Variants in TRIM58 observed in about 807,000 individuals in gnomAD.
TRIM58 encodes E3 ubiquitin-protein ligase TRIM58.
In TRIM58, 38 loss-of-function variants were observed where a neutral mutation model predicts 34.1. That is an observed-to-expected ratio of 1.12 (90% CI 0.86 to 1.46). The LOEUF (loss-of-function observed/expected upper bound fraction) is 1.46, where lower values mean the gene tolerates loss of function less well. TRIM58 is among the 40% of genes most tolerant of loss of function. The pLI is 0.00. For missense variants in TRIM58, 677 were observed against 642.0 expected (o/e 1.05, Z -0.59); for synonymous variants, 273 against 275.7 (o/e 0.99, Z 0.10).
Position 247,878,759 on chromosome 1 carries a change from A to G in TRIM58, c.*2270A>G, listed in dbSNP as rs1481123102. 1.3e-5 allele frequency among the ~76,000 whole-genome samples: 2 copies of G among 152,218 alleles called. No homozygotes were observed. The highest frequency in any genetic ancestry group is 4.8e-5 in the African/African-American group (2 of 41,446). ...ATGGAATGAGTGTCCCAGTCCCAGG[A>G]GTATCCATTTCCCACTGTGTAGCCC... On this transcript the variant is annotated 3_prime_UTR_variant, in exon 6 of 6. Coordinates refer to ENST00000366481, the MANE Select transcript of TRIM58 (RefSeq NM_015431.4).
At chr1:247,869,003 G>A (rs151159036) in intron 5 of TRIM58, among the ~76,000 whole-genome samples, 6,438 of 152,146 alleles carry the variant, frequency 0.042, 325 homozygotes, top group East Asian at 0.21. Flanking sequence ...ATGTTCGAGC[G>A]ATTCTCCTGC....
chr1:247,869,886 A>G (rs1407512015), intron 5 of TRIM58, among the ~76,000 whole-genome samples: 2 of 152,238 alleles, frequency 1.3e-5, no homozygotes, highest in African/African-American at 4.8e-5. Context: ...GCAGTGGGAT[A>G]CAGATGCTTA....
At chr1:247,862,691 T>C (rs1663821432) in intron 2 of TRIM58, among the ~76,000 whole-genome samples, 1 of 152,188 alleles carries the variant, frequency 6.6e-6, no homozygotes, top group Non-Finnish European at 1.5e-5. Flanking sequence ...AGATTATTCT[T>C]AAGTAGGGAT....
intron 1 of TRIM58, among the ~76,000 whole-genome samples, chr1:247,858,461 A>G (rs1057378708): frequency 1.3e-5 from 2 of 152,228 alleles, no homozygotes; most frequent in African/African-American, 4.8e-5. Context: ...CTGCCAGCAC[A>G]GAGGAGGTCT....
chr1:247,865,850 A>G (rs1166273319), intron 3 of TRIM58, among the ~76,000 whole-genome samples: 1 of 152,162 alleles, frequency 6.6e-6, no homozygotes, highest in African/African-American at 2.4e-5. Context: ...TAAGTGATGC[A>G]TGTTCTCATT....
intron 1 of TRIM58, among the ~76,000 whole-genome samples, chr1:247,858,847 G>A (rs904343123): frequency 9.9e-5 from 13 of 131,432 alleles, no homozygotes; most frequent in Non-Finnish European, 1.7e-4. Flanking sequence ...TGCAACCTCC[G>A]TCTCCCGGGT....
intron 5 of TRIM58, among the ~76,000 whole-genome samples, chr1:247,874,755 T>C (rs1289630327): frequency 2.0e-5 from 3 of 152,192 alleles, no homozygotes; most frequent in Non-Finnish European, 2.9e-5. Flanking sequence ...AGACCAGACA[T>C]CCAAGTGGGA....
At position 247,857,297 on chromosome 1, in the gene TRIM58, G is replaced by C; in HGVS notation, c.51G>C (p.Pro17=). 1.7e-5 allele frequency: 24 copies of C among 1,408,692 alleles called. No individual in the cohort carries two copies. The highest frequency in any genetic ancestry group is 2.1e-5 in the Non-Finnish European group (23 of 1,073,146). 87.3% of individuals were successfully genotyped at this position (1,408,692 alleles called of 1,614,324 possible). ...GGCTGCGCGAGGATGCGCGGTGCCC[G>C]GTGTGCCTGGATTTCCTGCAGGAGC... is the stretch of plus-strand genomic sequence containing the variant. The part of the protein sequence containing the change: ...GERLREDARC[P]VCLDFLQEPV... Residue 17 remains proline, a synonymous_variant, in exon 1 of 6, where the codon CCG becomes CCC. Coordinates refer to ENST00000366481, the MANE Select transcript of TRIM58 (RefSeq NM_015431.4).
intron 2 of TRIM58, among the ~76,000 whole-genome samples, chr1:247,861,496 C>T (rs1262803599): frequency 6.6e-6 from 1 of 152,090 alleles, no homozygotes; most frequent in Non-Finnish European, 1.5e-5. Context: ...TTCAAGATGT[C>T]AGTAGTGTCA....
chr1:247,866,356 C>T (rs12027924), intron 3 of TRIM58, among the ~76,000 whole-genome samples: 27,685 of 150,730 alleles, frequency 0.18, 2,624 homozygotes, highest in East Asian at 0.32. Flanking sequence ...TTTTTTTTTG[C>T]GTTTTTACTA....
At chr1:247,874,374 A>G (rs1006153178) in intron 5 of TRIM58, among the ~76,000 whole-genome samples, 1 of 152,152 alleles carries the variant, frequency 6.6e-6, no homozygotes, top group Non-Finnish European at 1.5e-5. Context: ...GAACTCACTT[A>G]TCACCAGTGG....
Position 247,878,192 on chromosome 1 carries a change from T to C in TRIM58, c.*1703T>C, listed in dbSNP as rs908378056. The stretch of plus-strand genomic sequence containing the variant: ...ATAAATAAATAAATAAATAAATAAA[T>C]AAATAAATAAATAAATATTACACAA... On this transcript the variant is annotated 3_prime_UTR_variant, in exon 6 of 6. Transcript: ENST00000366481. The C allele has an allele frequency of 6.6e-6, 1 of 151,392 alleles. No homozygotes were observed. Among genetic ancestry groups the C allele is most frequent in the African/African-American group, 2.4e-5 (1 of 41,204 alleles). 9.4% of individuals were successfully genotyped at this position (151,392 alleles called of 1,614,324 possible). A position where few individuals can be genotyped will look rare whatever the true frequency, so the allele number is the denominator to read the frequency against.
At chr1:247,869,253 T>C (rs1311279741) in intron 5 of TRIM58, among the ~76,000 whole-genome samples, 1 of 152,144 alleles carries the variant, frequency 6.6e-6, no homozygotes, top group East Asian at 1.9e-4. Context: ...ACGTGATTGA[T>C]TAGATCATAG....
chr1:247,860,602 A>C lies in TRIM58; in HGVS notation c.421-15A>C. ...GATTGAGGGCATCTGTAACAGCTGA[A>C]ATGTTCCCAAACAGGTAAAGCTCCA... On this transcript the variant is annotated splice_polypyrimidine_tract_variant and intron_variant, in intron 1 of 5. Transcript: ENST00000366481. The C allele has an allele frequency of 6.2e-7, 1 of 1,603,582 alleles. No homozygotes were observed. Among genetic ancestry groups the C allele is most frequent in the Non-Finnish European group, 8.5e-7 (1 of 1,171,260 alleles).
In TRIM58 at chr1:247,864,943, C is replaced by T. The variant is rs200647859; in HGVS notation, c.747+8C>T. 3,513 of 1,554,626 alleles carry T rather than the reference C, an allele frequency of 2.3e-3. 10 individuals are homozygous for T. Among genetic ancestry groups the T allele is most frequent in the Middle Eastern group, 4.3e-3 (19 of 4,372 alleles). ...GCCCTGGGTCTGCTGGAGGTGAGGC[C>T]GGGTGCCAGAAAAGCAGGCAGATGT... On this transcript the variant is annotated splice_region_variant and intron_variant, in intron 3 of 5. Coordinates refer to ENST00000366481, the MANE Select transcript of TRIM58 (RefSeq NM_015431.4).
chr1:247,858,330 TG>T (rs770011479), intron 1 of TRIM58, among the ~76,000 whole-genome samples: 12 of 152,058 alleles, frequency 7.9e-5, no homozygotes, highest in Non-Finnish European at 1.6e-4. Context: ...AAAAACAAAA[TG>T]GGAGTATTTG....
At position 247,857,390 on chromosome 1, in the gene TRIM58, C is replaced by T. The variant is rs769931709; in HGVS notation, c.144C>T (p.Asp48=). Reference sequence around the variant, plus strand: ...TCTCCGAGTTCTGCGAGAAGTCGGACGGCGCGCAGGGCGGCGTCTACGCCT... The same window carrying T: ...TCTCCGAGTTCTGCGAGAAGTCGGATGGCGCGCAGGGCGGCGTCTACGCCT... ...RCISEFCEKS[D]GAQGGVYACP... The change falls in exon 1 of 6, where the codon GAC becomes GAT. Residue 48 remains aspartate, a synonymous_variant. Transcript: ENST00000366481. 59 of 1,524,898 alleles carry T rather than the reference C, an allele frequency of 3.9e-5. 1 individual carries two copies. The Admixed American group carries it at 1.2e-3, about 31-fold the overall frequency. 94.5% of individuals were successfully genotyped at this position (1,524,898 alleles called of 1,614,324 possible). A position where few individuals can be genotyped will look rare whatever the true frequency, so the allele number is the denominator to read the frequency against.
chr1:247,872,179 C>G (rs1190040648), intron 5 of TRIM58, among the ~76,000 whole-genome samples: 1 of 152,128 alleles, frequency 6.6e-6, no homozygotes, highest in Non-Finnish European at 1.5e-5. Flanking sequence ...AAAGTTGTAC[C>G]TAGAAAAATA....
chr1:247,857,264 CG>C lies in TRIM58; in HGVS notation c.22del (p.Glu8SerfsTer96). MAWAPP[G>X]ERLREDARCP... The stretch of plus-strand genomic sequence containing the variant: ...GGCGGGTCATGGCCTGGGCGCCGCC[CG>C]GGGAGCGGCTGCGCGAGGATGCGCG... On this transcript the variant is annotated frameshift_variant, in exon 1 of 6. Transcript: ENST00000366481. LOFTEE classifies it high-confidence loss of function. 1.5e-6 allele frequency: 2 copies of C among 1,340,812 alleles called. No homozygotes were observed. The highest frequency in any genetic ancestry group is 2.0e-5 in the South Asian group (1 of 49,566). 83.1% of individuals were successfully genotyped at this position (1,340,812 alleles called of 1,614,324 possible).
Sources: gnomAD v4.1 joint callset for allele counts (sites outside exome capture counted in the v4.1 genomes callset) on GRCh38, gnomAD v4.1.1 for gene constraint, MANE v1.5 for transcripts, NCBI Gene and HGNC (gene_info 2026-07-23, HGNC 2026-07-21) for gene names.